The following TBXAS1 variants were observed in gnomAD, a reference collection of about 807,000 sequenced individuals.
The protein encoded by TBXAS1 is thromboxane A synthase 1.
A neutral mutation model predicts 60.7 loss-of-function variants in TBXAS1; 48 were observed. That is an observed-to-expected ratio of 0.79 (90% CI 0.63 to 1.01). The LOEUF is 1.01. TBXAS1 is among the 50% of genes least tolerant of loss of function. The probability of loss-of-function intolerance (pLI) is 0.00; values close to 1 mark genes in which losing one functional copy is unlikely to be tolerated. For synonymous variants in TBXAS1, 287 were observed against 269.7 expected (o/e 1.06, Z -0.63); for missense variants, 685 against 686.3 (o/e 1.00, Z 0.02).
At chr7:139,846,303 G>A (rs1261099642) in intron 1 of TBXAS1, among the ~76,000 whole-genome samples, 1 of 152,144 alleles carries the variant, frequency 6.6e-6, no homozygotes. Flanking sequence ...AATGGCCCAG[G>A]GCTTAGGCTT....
intron 3 of TBXAS1, among the ~76,000 whole-genome samples, chr7:139,890,843 T>A (rs1369358716): frequency 1.3e-5 from 2 of 152,168 alleles, no homozygotes; most frequent in Admixed American, 6.5e-5. Context: ...TTCCCAGTGT[T>A]CTCTCATTCC....
intron 3 of TBXAS1, among the ~76,000 whole-genome samples, chr7:139,903,261 C>A (rs1804718137): frequency 6.6e-6 from 1 of 152,098 alleles, no homozygotes; most frequent in African/African-American, 2.4e-5. Context: ...CAAGTCACTG[C>A]AAATGCTGTT....
At chr7:139,822,410 A>G (rs2116445989) in intron 4 of TBXAS1, among the ~76,000 whole-genome samples, 1 of 152,134 alleles carries the variant, frequency 6.6e-6, no homozygotes, top group East Asian at 1.9e-4. Context: ...TGTTCTCTGT[A>G]GCCCACTTTT....
chr7:139,832,174 C>T (rs997732958), intron 1 of TBXAS1, among the ~76,000 whole-genome samples: 2 of 152,192 alleles, frequency 1.3e-5, no homozygotes, highest in Non-Finnish European at 2.9e-5. Flanking sequence ...AGTGCCCCAA[C>T]TGCGGAAGTG....
chr7:139,790,863 T>G lies in TBXAS1; in HGVS notation c.-80+3437T>G, dbSNP rs1177453931. Among the ~76,000 whole-genome samples the G allele has an allele frequency of 2.0e-5, 3 of 152,194 alleles. 1 individual carries two copies. The East Asian group carries it at 5.8e-4, about 29-fold the overall frequency. On this transcript the variant is annotated intron_variant, in intron 4 of 16. Transcript: ENST00000336425. ...TGTCACCCAGGCTGGAGTGCAGTGG[T>G]GCAATCTTGGTTCACTGCAACCTCT...
intron 5 of TBXAS1, among the ~76,000 whole-genome samples, chr7:139,940,131 C>T (rs1808168044): frequency 6.6e-6 from 1 of 152,128 alleles, no homozygotes; most frequent in South Asian, 2.1e-4. Context: ...AAAGAGTTTT[C>T]CTAATTCCAA....
intron 1 of TBXAS1, among the ~76,000 whole-genome samples, chr7:139,857,335 C>G (rs1474976638): frequency 1.3e-5 from 2 of 152,100 alleles, no homozygotes; most frequent in African/African-American, 4.8e-5. Context: ...GTTCATTTAA[C>G]TAAGCCATTA....
At position 139,896,642 on chromosome 7, in the gene TBXAS1, T is replaced by C. The variant is rs1461749832; in HGVS notation, c.237-14583T>C. On this transcript the variant is annotated intron_variant, in intron 3 of 12. Coordinates refer to ENST00000448866, the MANE Select transcript of TBXAS1 (RefSeq NM_001061.7). This position sits in a 1 kb window ranked among gnomAD's most constrained non-coding sequence, Gnocchi z 4.0. ...GTCCACTAACTTGCTAGAACATGTA[T>C]ACTTATAAAGTTGTTTGAACTTATC... Among the ~76,000 whole-genome samples the C allele has an allele frequency of 1.3e-5, 2 of 152,220 alleles. No individual in the cohort carries two copies. Among genetic ancestry groups the C allele is most frequent in the Admixed American group, 6.5e-5 (1 of 15,292 alleles).
rs186887469 is a variant in TBXAS1 at position 140,003,193 on chromosome 7, G to T, written c.1135-3898G>T. 2.8e-3 allele frequency among the ~76,000 whole-genome samples: 422 copies of T among 151,878 alleles called. 1 individual carries two copies. Among genetic ancestry groups the T allele is most frequent in the Non-Finnish European group, 4.1e-3 (276 of 67,956 alleles). On this transcript the variant is annotated intron_variant, in intron 9 of 12. Coordinates refer to ENST00000448866, the MANE Select transcript of TBXAS1 (RefSeq NM_001061.7). ...CATGGAGAACTGCTGAACCAAGATG[G>T]TCTTTACATACGTATCTTTTTGTTT...
intron 5 of TBXAS1, among the ~76,000 whole-genome samples, chr7:139,951,060 C>T (rs1342198865): frequency 6.6e-6 from 1 of 152,166 alleles, no homozygotes; most frequent in East Asian, 1.9e-4. Flanking sequence ...CCCACTCTAC[C>T]AGGTGTCTCC....
At chr7:139,872,897 T>G (rs769406339) in intron 2 of TBXAS1, among the ~76,000 whole-genome samples, 1 of 152,118 alleles carries the variant, frequency 6.6e-6, no homozygotes, top group Non-Finnish European at 1.5e-5. Context: ...CCAAACCCCA[T>G]ATATTGTATG....
In TBXAS1 at chr7:139,923,521, GT is replaced by G. The variant is rs1806648852; in HGVS notation, c.333+12201del. Among the ~76,000 whole-genome samples the G allele has an allele frequency of 2.0e-5, 3 of 151,352 alleles. No homozygotes were observed. The South Asian group carries it at 6.3e-4, about 32-fold the overall frequency. On this transcript the variant is annotated intron_variant, in intron 4 of 12. Transcript: ENST00000448866. Reference sequence around the variant, plus strand: ...ATATGAAATATTTTGATACATGCATGTATCATGCATGCATGATACATGCATG... The same window carrying G: ...ATATGAAATATTTTGATACATGCATGATCATGCATGCATGATACATGCATG...
chr7:139,840,541 T>C (rs1405830263), intron 1 of TBXAS1, among the ~76,000 whole-genome samples: 1 of 152,198 alleles, frequency 6.6e-6, no homozygotes, highest in Non-Finnish European at 1.5e-5. Context: ...TACTGCTGCA[T>C]ATGGCCGTGG....
At chr7:139,820,248 C>G (rs1172782517) in intron 4 of TBXAS1, among the ~76,000 whole-genome samples, 1 of 152,092 alleles carries the variant, frequency 6.6e-6, no homozygotes, top group East Asian at 1.9e-4. Context: ...TAGCCGCATC[C>G]AGCCATGAGG....
rs1811351202 is a variant in TBXAS1, at chr7:139,973,428, G to A, written c.1134+11195G>A. On this transcript the variant is annotated intron_variant, in intron 9 of 12. Transcript: ENST00000448866. ...GAGAGGAAGGAAAATTGGAAAATGA[G>A]TCTAGAATAAGGGGCCTTTCCAAAA... is the stretch of plus-strand genomic sequence containing the variant. Among the ~76,000 whole-genome samples, 3 of 152,256 alleles carry A rather than the reference G, an allele frequency of 2.0e-5. 1 individual carries two copies. In the South Asian group the frequency reaches 6.2e-4, roughly 32 times the overall value.
chr7:139,856,636 G>A (rs1800602293), intron 1 of TBXAS1, among the ~76,000 whole-genome samples: 1 of 152,176 alleles, frequency 6.6e-6, no homozygotes, highest in East Asian at 1.9e-4. Flanking sequence ...GGAGAAACAT[G>A]TGCATGCGCA....
At chr7:139,929,355 A>G (rs1045226945) in intron 4 of TBXAS1, among the ~76,000 whole-genome samples, 2 of 152,146 alleles carry the variant, frequency 1.3e-5, no homozygotes, top group African/African-American at 2.4e-5. Flanking sequence ...TAGACCACAC[A>G]GGCTAAACTA....
chr7:139,855,522 A>G (rs1417406793), intron 1 of TBXAS1, among the ~76,000 whole-genome samples: 1 of 152,044 alleles, frequency 6.6e-6, no homozygotes, highest in Non-Finnish European at 1.5e-5. Flanking sequence ...TTGGGCTGCC[A>G]GGTGAAGTGG....
At chr7:139,928,451 G>A (rs2117144016) in intron 4 of TBXAS1, among the ~76,000 whole-genome samples, 1 of 152,262 alleles carries the variant, frequency 6.6e-6, no homozygotes, top group South Asian at 2.1e-4. Flanking sequence ...GTCTTTATCT[G>A]GTTTGGGGCT....
Sources: gnomAD v4.1 joint callset for allele counts (sites outside exome capture counted in the v4.1 genomes callset) on GRCh38, gnomAD v4.1.1 for gene constraint, Gnocchi (gnomAD v3.1) non-coding constraint, MANE v1.5 for transcripts, NCBI Gene and HGNC (gene_info 2026-07-23, HGNC 2026-07-21) for gene names.